TIMELESS: variants seen among roughly 807,000 people sequenced by gnomAD.
TIMELESS encodes protein timeless homolog.
In TIMELESS, 124 loss-of-function variants were observed where a neutral mutation model predicts 164.3. The ratio of observed to expected loss-of-function variants is 0.75; its 90% confidence interval spans 0.65 to 0.88. The LOEUF (loss-of-function observed/expected upper bound fraction) is 0.88, where lower values mean the gene tolerates loss of function less well. Ranked by LOEUF, TIMELESS falls within the 40% of genes least tolerant of loss-of-function variation. The pLI, the probability that TIMELESS is intolerant of heterozygous loss-of-function variation, is 0.00. For missense variants in TIMELESS, 1,422 were observed against 1,491.4 expected (o/e 0.95, Z 0.77); for synonymous variants, 564 against 563.4 (o/e 1.00, Z -0.02).
At position 56,418,335 on chromosome 12, in the gene TIMELESS, T is replaced by C; in HGVS notation, c.3253A>G (p.Lys1085Glu). ...GQETFWRIPA[K>E]LSPTQLRRAA... ...CTCCGGAGCTGGGTAGGACTCAGCT[T>C]GGCTGGAATTCGCCAGAAGGTTTCC... Residue 1085 changes from lysine to glutamate, a missense_variant, in exon 27 of 29, where the codon AAG becomes GAG. By Grantham distance (56) the Lys-to-Glu change is moderately conservative (BLOSUM62 1). Coordinates refer to ENST00000553532, the MANE Select transcript of TIMELESS (RefSeq NM_003920.5). The C allele has an allele frequency of 6.2e-7, 1 of 1,611,340 alleles. No individual in the cohort carries two copies. The highest frequency in any genetic ancestry group is 1.3e-5 in the African/African-American group (1 of 74,780).
Position 56,428,938 on chromosome 12 carries a change from T to C in TIMELESS, c.1249A>G (p.Asn417Asp), listed in dbSNP as rs756960721. 8 of 1,613,986 alleles carry C rather than the reference T, an allele frequency of 5.0e-6. No homozygotes were observed. The East Asian group carries it at 1.6e-4, about 31-fold the overall frequency. ...TFHFIEQNLT[N>D]YYEMMLTDRK... ...TCAGTCAGCATCATCTCATAGTAGT[T>C]GGTGAGGTTCTGCTCAATGAAGTGG... The change falls in exon 11 of 29, where the codon AAC (asparagine) becomes GAC (aspartate). Residue 417 changes from asparagine to aspartate, a missense_variant. Transcript: ENST00000553532.
chr12:56,445,422 CAA>C (rs71081360), intron 1 of TIMELESS, among the ~76,000 whole-genome samples: 1,435 of 18,244 alleles, frequency 0.079, 2 homozygotes, highest in Admixed American at 0.13. Context: ...AACTCCACGT[CAA>C]AAAAAAAAAA....
Position 56,430,196 on chromosome 12 carries a change from C to A in TIMELESS, c.995G>T (p.Arg332Leu), listed in dbSNP as rs553459136. ...RQAARELSIQRRSALNVRLFL... is the reference protein window; with the variant it reads ...RQAARELSIQLRSALNVRLFL... ...GAGCCTCACATTGAGGGCAGAACGGCGCTGAATGGACAGCTCTCGGGCGGC... is the reference window on the plus strand; with the variant it reads ...GAGCCTCACATTGAGGGCAGAACGGAGCTGAATGGACAGCTCTCGGGCGGC... The change falls in exon 10 of 29, where the codon CGC becomes CTC. Residue 332 changes from arginine (R) to leucine (L), a missense_variant. Transcript: ENST00000553532. 6.2e-7 allele frequency: 1 copy of A among 1,614,084 alleles called. No homozygotes were observed. The highest frequency in any genetic ancestry group is 1.7e-5 in the Admixed American group (1 of 59,998).
chr12:56,429,090 A>G lies in TIMELESS; in HGVS notation c.1097T>C (p.Leu366Pro), dbSNP rs1445572543. Residue 366 changes from leucine to proline, a missense_variant, in exon 11 of 29, where the codon CTT becomes CCT. Leu to Pro is a moderately conservative substitution (Grantham distance 98, BLOSUM62 -3). Coordinates refer to ENST00000553532, the MANE Select transcript of TIMELESS (RefSeq NM_003920.5). ...ATCATGCTGCTGAGCTTTCTCCCGA[A>G]GCAGGTGATCCTGACATTTAAAAAA... ...RLMGSVKDHL[L>P]REKAQQHDET... 1.2e-6 allele frequency: 2 copies of G among 1,613,670 alleles called. No individual in the cohort carries two copies. Among genetic ancestry groups the G allele is most frequent in the Admixed American group, 3.3e-5 (2 of 60,000 alleles).
At position 56,423,311 on chromosome 12, in the gene TIMELESS, T is replaced by C. The variant is rs757283187; in HGVS notation, c.2255A>G (p.Asn752Ser). The change falls in exon 18 of 29, where the codon AAT (asparagine) becomes AGT (serine). Residue 752 changes from asparagine to serine, a missense_variant. Asn to Ser is a conservative substitution (Grantham distance 46). Transcript: ENST00000553532. ...LFQLSVFCLF[N>S]RLLSDPAAGA... is the part of the protein sequence containing the mutation. ...AGCAGCAGGGTCACTAAGCAGACGA[T>C]TGAAGAGGCAGAAGACTGACAGCTG... 107 of 1,613,982 alleles carry C rather than the reference T, an allele frequency of 6.6e-5. No homozygotes were observed. The highest frequency in any genetic ancestry group is 8.3e-5 in the Admixed American group (5 of 59,988).
rs150692151 is a variant in TIMELESS at position 56,420,824 on chromosome 12, C to T, written c.3098G>A (p.Arg1033Gln). Residue 1033 changes from arginine (R) to glutamine (Q), a missense_variant, in exon 25 of 29, where the codon CGG becomes CAG. Coordinates refer to ENST00000553532, the MANE Select transcript of TIMELESS (RefSeq NM_003920.5). ...ACCTGTCCACTCACCATCCTCTTCC[C>T]GATCATCAGCTGCTCGGATCAGGCA... ...QNCLIRAADD[R>Q]EEDGCSQAVP... is the part of the protein sequence containing the mutation. 364 of 1,614,184 alleles carry T rather than the reference C, an allele frequency of 2.3e-4. 2 individuals carry two copies. In the African/African-American group the frequency reaches 4.0e-3, roughly 18 times the overall value.
intron 1 of TIMELESS, among the ~76,000 whole-genome samples, chr12:56,446,349 C>T (rs1868349408): frequency 6.6e-6 from 1 of 152,104 alleles, no homozygotes; most frequent in African/African-American, 2.4e-5. Flanking sequence ...TTTGTCTTTC[C>T]CTTTGGTACT....
At position 56,430,348 on chromosome 12, in the gene TIMELESS, A is replaced by G. The variant is rs976802625; in HGVS notation, c.910-67T>C. ...CACTTTCCCCTTGCAGCTCTCGTCAATTTTCTCAGAAGAAACTAATTTTTG... is the reference window on the plus strand; with the variant it reads ...CACTTTCCCCTTGCAGCTCTCGTCAGTTTTCTCAGAAGAAACTAATTTTTG... On this transcript the variant is annotated intron_variant, in intron 9 of 28. Coordinates refer to ENST00000553532, the MANE Select transcript of TIMELESS (RefSeq NM_003920.5). 40 of 1,524,732 alleles carry G rather than the reference A, an allele frequency of 2.6e-5. No individual in the cohort carries two copies. In the East Asian group the frequency reaches 6.2e-4, roughly 24 times the overall value. The allele number at this position is 1,524,732 out of a possible 1,614,324, so 94.5% of individuals were successfully genotyped here. A position where few individuals can be genotyped will look rare whatever the true frequency, so the allele number is the denominator to read the frequency against.
At chr12:56,419,969 T>G (rs1235923961) in intron 26 of TIMELESS, among the ~76,000 whole-genome samples, 1 of 113,236 alleles carries the variant, frequency 8.8e-6, no homozygotes, top group Non-Finnish European at 1.6e-5. Context: ...ACTGAGCCAC[T>G]GCACTCCAGC....
chr12:56,419,620 A>G (rs907916548), intron 26 of TIMELESS, among the ~76,000 whole-genome samples: 4 of 151,936 alleles, frequency 2.6e-5, no homozygotes, highest in Non-Finnish European at 4.4e-5. Flanking sequence ...GAGGCTGCAA[A>G]GGTTGGCCAA....
At chr12:56,435,182 A>T (rs1882030580) in intron 1 of TIMELESS, among the ~76,000 whole-genome samples, 1 of 152,146 alleles carries the variant, frequency 6.6e-6, no homozygotes, top group East Asian at 1.9e-4. Flanking sequence ...AGGAGCCCTG[A>T]GGCTTCTGAG....
intron 8 of TIMELESS, among the ~76,000 whole-genome samples, 176 bp from the exon 9 acceptor site, chr12:56,431,144 G>A (rs1375091335): frequency 2.8e-5 from 4 of 143,654 alleles, no homozygotes; most frequent in Non-Finnish European, 3.1e-5. Context: ...ACCTGAGGTC[G>A]GGAGTTTGAG....
At chr12:56,432,851 A>T (rs1881936519) in intron 6 of TIMELESS, among the ~76,000 whole-genome samples, 175 bp downstream of exon 6, 1 of 148,052 alleles carries the variant, frequency 6.8e-6, no homozygotes, top group Non-Finnish European at 1.5e-5. Flanking sequence ...CAGGAGGCAG[A>T]GGCTGAGGCA....
At chr12:56,448,915 T>G (rs1868455272) in intron 1 of TIMELESS, among the ~76,000 whole-genome samples, 1 of 152,096 alleles carries the variant, frequency 6.6e-6, no homozygotes, top group South Asian at 2.1e-4. Context: ...AAGCGGCCTG[T>G]GAATTCCGAC....
At chr12:56,437,251 G>A (rs559591027) in intron 1 of TIMELESS, among the ~76,000 whole-genome samples, 168 of 152,072 alleles carry the variant, frequency 1.1e-3, no homozygotes, top group Non-Finnish European at 1.8e-3. Flanking sequence ...AATATTTGCC[G>A]AATTTTGAAT....
intron 1 of TIMELESS, among the ~76,000 whole-genome samples, chr12:56,447,740 A>G (rs1407057216): frequency 6.6e-6 from 1 of 152,132 alleles, no homozygotes; most frequent in Non-Finnish European, 1.5e-5. Context: ...GCCCCTGGTA[A>G]TAGAGGGGGG....
chr12:56,419,576 T>C (rs923453006), intron 26 of TIMELESS, among the ~76,000 whole-genome samples: 1 of 151,742 alleles, frequency 6.6e-6, no homozygotes, highest in South Asian at 2.1e-4. Context: ...AGGGTGACTA[T>C]GATGTAAAGT....
chr12:56,435,183 G>C (rs1192702559), intron 1 of TIMELESS, among the ~76,000 whole-genome samples: 1 of 152,054 alleles, frequency 6.6e-6, no homozygotes, highest in African/African-American at 2.4e-5. Flanking sequence ...GGAGCCCTGA[G>C]GCTTCTGAGA....
At chr12:56,429,185 AT>A (rs1176324415) in intron 10 of TIMELESS, 85 bp from the exon 11 acceptor site, 2 of 1,239,834 alleles carry the variant, frequency 1.6e-6, no homozygotes, top group Non-Finnish European at 2.2e-6. Flanking sequence ...GATGGAATGG[AT>A]GCTGGACACC....
Sources: allele counts gnomAD v4.1 joint callset (sites outside exome capture counted in the v4.1 genomes callset), GRCh38; gene constraint gnomAD v4.1.1; transcripts MANE v1.5; gene names NCBI Gene and HGNC (gene_info 2026-07-23, HGNC 2026-07-21).